ICAM1: variants seen among roughly 807,000 people sequenced by gnomAD.
The protein encoded by ICAM1 is intercellular adhesion molecule 1.
In ICAM1, 28 loss-of-function variants were observed where a neutral mutation model predicts 42.3. That is an observed-to-expected ratio of 0.66 (90% confidence interval 0.49 to 0.91). The LOEUF (loss-of-function observed/expected upper bound fraction) is 0.91. Ranked by LOEUF, ICAM1 falls within the 40% of genes least tolerant of loss-of-function variation. The pLI, the probability that ICAM1 is intolerant of heterozygous loss-of-function variation, is 0.00. For missense variants in ICAM1, 637 were observed against 688.6 expected (o/e 0.93, Z 0.84); for synonymous variants, 304 against 305.9 (o/e 0.99, Z 0.07).
rs567501702 is a variant in ICAM1, at chr19:10,273,525, G to A, written c.68-1240G>A. On this transcript the variant is annotated intron_variant, in intron 1 of 6. Coordinates refer to ENST00000264832, the MANE Select transcript of ICAM1 (RefSeq NM_000201.3). ...AAAAAATGTTTTTCAAATATTAGCC[G>A]GGTATGGTGGTGTCCTGTAGTCCCA... 2.0e-4 allele frequency among the ~76,000 whole-genome samples: 31 copies of A among 151,996 alleles called. 1 individual carries two copies. The South Asian group carries it at 6.0e-3, about 30-fold the overall frequency.
chr19:10,282,810 C>G (rs911463722), intron 2 of ICAM1, among the ~76,000 whole-genome samples: 1 of 151,794 alleles, frequency 6.6e-6, no homozygotes, highest in Non-Finnish European at 1.5e-5. Flanking sequence ...GTCAGGAATT[C>G]GAGACCAGCC....
intron 1 of ICAM1, among the ~76,000 whole-genome samples, chr19:10,271,769 A>G (rs971572347): frequency 6.6e-6 from 1 of 151,836 alleles, no homozygotes; most frequent in African/African-American, 2.4e-5. Context: ...TCTGTTCCTC[A>G]TCCTCTCTGC....
rs2040100321 is a variant in ICAM1 at position 10,285,763 on chromosome 19, C to G, written c.*476C>G. On this transcript the variant is annotated 3_prime_UTR_variant, in exon 7 of 7. Transcript: ENST00000264832. Reference sequence around the variant, plus strand: ...ATGCCAGCTTGGGCACTGCTGTCTACTGACCCCAACCCTTGATGATATGTA... The same window carrying G: ...ATGCCAGCTTGGGCACTGCTGTCTAGTGACCCCAACCCTTGATGATATGTA... 6.0e-6 allele frequency: 1 copy of G among 165,386 alleles called. No homozygotes were observed. The highest frequency in any genetic ancestry group is 1.3e-5 in the Non-Finnish European group (1 of 75,198). The allele number at this position is 165,386 out of a possible 1,614,324, so 10.2% of individuals were successfully genotyped here.
At position 10,285,570 on chromosome 19, in the gene ICAM1, A is replaced by T; in HGVS notation, c.*283A>T. On this transcript the variant is annotated 3_prime_UTR_variant, in exon 7 of 7. Coordinates refer to ENST00000264832, the MANE Select transcript of ICAM1 (RefSeq NM_000201.3). The stretch of plus-strand genomic sequence containing the variant: ...ATGGATGTTAAAGTCTAGCCTGATG[A>T]GAGGGGAAGTGGTGGGGGAGACATA... 1 of 386,680 alleles carries T rather than the reference A, an allele frequency of 2.6e-6. No individual in the cohort carries two copies. Among genetic ancestry groups the T allele is most frequent in the Admixed American group, 4.3e-5 (1 of 23,400 alleles). 24.0% of individuals were successfully genotyped at this position (386,680 alleles called of 1,614,324 possible).
chr19:10,280,547 GTT>G (rs556867189), intron 2 of ICAM1, among the ~76,000 whole-genome samples: 1 of 144,074 alleles, frequency 6.9e-6, no homozygotes, highest in African/African-American at 2.5e-5. Context: ...AGCCCAGCTG[GTT>G]TTTTTTTTTT....
chr19:10,285,294 C>A lies in ICAM1; in HGVS notation c.*7C>A, dbSNP rs764537463. On this transcript the variant is annotated 3_prime_UTR_variant, in exon 7 of 7. Transcript: ENST00000264832. The stretch of plus-strand genomic sequence containing the variant: ...ACAAGCCACGCCTCCCTGAACCTAT[C>A]CCGGGACAGGGCCTCTTCCTCGGCC... 64 of 1,612,620 alleles carry A rather than the reference C, an allele frequency of 4.0e-5. No individual in the cohort carries two copies. Among genetic ancestry groups the A allele is most frequent in the Non-Finnish European group, 4.7e-5 (56 of 1,179,130 alleles).
In ICAM1 at chr19:10,286,175, T is replaced by G. The variant is rs1297378664; in HGVS notation, c.*888T>G. 6.6e-6 allele frequency: 1 copy of G among 152,414 alleles called. No homozygotes were observed. The highest frequency in any genetic ancestry group is 1.9e-4 in the East Asian group (1 of 5,330). The allele number at this position is 152,414 out of a possible 1,614,324, so 9.4% of individuals were successfully genotyped here. On this transcript the variant is annotated 3_prime_UTR_variant, in exon 7 of 7. Coordinates refer to ENST00000264832, the MANE Select transcript of ICAM1 (RefSeq NM_000201.3). ...TTCACAATGACACTCAGCGGTCATGTCTGGACATGAGTGCCCAGGGAATAT... is the reference window on the plus strand; with the variant it reads ...TTCACAATGACACTCAGCGGTCATGGCTGGACATGAGTGCCCAGGGAATAT...
At chr19:10,279,805 C>T (rs2040042655) in intron 2 of ICAM1, among the ~76,000 whole-genome samples, 1 of 151,124 alleles carries the variant, frequency 6.6e-6, no homozygotes, top group Non-Finnish European at 1.5e-5. Flanking sequence ...TTTGAGGTTA[C>T]AGTCAGCTAT....
rs746554151 is a variant in ICAM1 at position 10,283,760 on chromosome 19, C to T, written c.611C>T (p.Ser204Leu). ...PQGLELFENTSAPYQLQTFVL... is the reference protein window; with the variant it reads ...PQGLELFENTLAPYQLQTFVL... Reference sequence around the variant, plus strand: ...GGGCTGGAGCTGTTTGAGAACACCTCGGCCCCCTACCAGCTCCAGACCTTT... The same window carrying T: ...GGGCTGGAGCTGTTTGAGAACACCTTGGCCCCCTACCAGCTCCAGACCTTT... The change falls in exon 3 of 7, where the codon TCG becomes TTG. Residue 204 changes from serine to leucine, a missense_variant. Ser to Leu is a moderately radical substitution (Grantham distance 145, BLOSUM62 -2). Coordinates refer to ENST00000264832, the MANE Select transcript of ICAM1 (RefSeq NM_000201.3). The T allele has an allele frequency of 6.2e-6, 10 of 1,609,426 alleles. No individual in the cohort carries two copies. The highest frequency in any genetic ancestry group is 3.4e-5 in the Admixed American group (2 of 59,628).
In ICAM1 at chr19:10,285,093, G is replaced by A. The variant is rs115766769; in HGVS notation, c.1427-22G>A. 8.6e-3 allele frequency: 13,925 copies of A among 1,613,716 alleles called. 86 individuals carry two copies. Among genetic ancestry groups the A allele is most frequent in the Middle Eastern group, 0.023 (138 of 5,960 alleles). On this transcript the variant is annotated intron_variant, in intron 6 of 6. Coordinates refer to ENST00000264832, the MANE Select transcript of ICAM1 (RefSeq NM_000201.3). ...CCATGGACCTAATGCAATCCTCACCGCCTGTTGTATCCTCCCCACAGCCCC... is the reference window on the plus strand; with the variant it reads ...CCATGGACCTAATGCAATCCTCACCACCTGTTGTATCCTCCCCACAGCCCC...
Position 10,285,293 on chromosome 19 carries a change from T to TCCC in ICAM1, c.*7_*9dup. ...CACAAGCCACGCCTCCCTGAACCTA[T>TCCC]CCCGGGACAGGGCCTCTTCCTCGGC... On this transcript the variant is annotated 3_prime_UTR_variant, in exon 7 of 7. Transcript: ENST00000264832. 6.2e-7 allele frequency: 1 copy of TCCC among 1,612,654 alleles called. No individual in the cohort carries two copies. The highest frequency in any genetic ancestry group is 8.5e-7 in the Non-Finnish European group (1 of 1,179,138).
intron 1 of ICAM1, among the ~76,000 whole-genome samples, chr19:10,272,560 CTTTTTTTTTTTT>C (rs1174775027): frequency 3.6e-5 from 2 of 56,132 alleles, no homozygotes; most frequent in Admixed American, 1.8e-4. Context: ...CTTTTCTTTT[CTTTTTTTTTTTT>C]TTTTTTTTTT....
chr19:10,276,871 A>T (rs2040021030), intron 2 of ICAM1, among the ~76,000 whole-genome samples: 1 of 149,790 alleles, frequency 6.7e-6, no homozygotes, highest in Non-Finnish European at 1.5e-5. Flanking sequence ...GCTACTCGGG[A>T]GGCTGAGGCA....
In ICAM1 at chr19:10,273,360, C is replaced by CAG. The variant is rs1218336465; in HGVS notation, c.68-1405_68-1404insAG. Among the ~76,000 whole-genome samples, 6 of 151,730 alleles carry CAG rather than the reference C, an allele frequency of 4.0e-5. No individual in the cohort carries two copies. In the East Asian group the frequency reaches 1.2e-3, roughly 30 times the overall value. ...GTACAAAATTACCCGGGCGTGGTGG[C>CAG]GCATGCCTGTAATCCCAGCTACTCG... On this transcript the variant is annotated intron_variant, in intron 1 of 6. Coordinates refer to ENST00000264832, the MANE Select transcript of ICAM1 (RefSeq NM_000201.3).
chr19:10,283,752 G>C lies in ICAM1; in HGVS notation c.603G>C (p.Glu201Asp). ...DLRPQGLELF[E>D]NTSAPYQLQT... ...GGCCCCAAGGGCTGGAGCTGTTTGA[G>C]AACACCTCGGCCCCCTACCAGCTCC... is the stretch of plus-strand genomic sequence containing the variant. The change falls in exon 3 of 7, where the codon GAG becomes GAC. Residue 201 changes from glutamate (E) to aspartate (D), a missense_variant. Transcript: ENST00000264832. 16 of 1,611,620 alleles carry C rather than the reference G, an allele frequency of 9.9e-6. No individual in the cohort carries two copies. Among genetic ancestry groups the C allele is most frequent in the Non-Finnish European group, 1.4e-5 (16 of 1,178,942 alleles).
chr19:10,280,980 C>T (rs1464923037), intron 2 of ICAM1, among the ~76,000 whole-genome samples: 13 of 150,704 alleles, frequency 8.6e-5, no homozygotes, highest in East Asian at 2.0e-4. Flanking sequence ...TTCACTCCAT[C>T]CTCCTGCCTT....
At chr19:10,281,412 A>G (rs1212151185) in intron 2 of ICAM1, among the ~76,000 whole-genome samples, 1 of 151,812 alleles carries the variant, frequency 6.6e-6, no homozygotes, top group African/African-American at 2.4e-5. Context: ...GTGAGCCACC[A>G]TGCCCCAGCC....
At chr19:10,283,824 T>C (rs754017428) in intron 3 of ICAM1, 38 bp downstream of exon 3, 2 of 1,352,332 alleles carry the variant, frequency 1.5e-6, no homozygotes, top group Non-Finnish European at 2.1e-6. Flanking sequence ...AAGGTGGGGG[T>C]GGGGTATCCT....
Position 10,284,573 on chromosome 19 carries a change from G to A in ICAM1, c.1096G>A (p.Gly366Arg), listed in dbSNP as rs370415118. 1.2e-5 allele frequency: 20 copies of A among 1,614,162 alleles called. No individual in the cohort carries two copies. Among genetic ancestry groups the A allele is most frequent in the Middle Eastern group, 1.6e-4 (1 of 6,062 alleles). ...LLLKATPEDN[G>R]RSFSCSATLE... Reference sequence around the variant, plus strand: ...GCTGAAGGCCACCCCAGAGGACAACGGGCGCAGCTTCTCCTGCTCTGCAAC... The same window carrying A: ...GCTGAAGGCCACCCCAGAGGACAACAGGCGCAGCTTCTCCTGCTCTGCAAC... The change falls in exon 5 of 7, where the codon GGG becomes AGG. Residue 366 changes from glycine (G) to arginine (R), a missense_variant. Gly to Arg is a moderately radical substitution (Grantham distance 125). Transcript: ENST00000264832. The surrounding 1 kb of genome is among the most constrained non-coding windows in gnomAD (Gnocchi z 5.4).
Sources: gnomAD v4.1 joint callset for allele counts (sites outside exome capture counted in the v4.1 genomes callset) on GRCh38, gnomAD v4.1.1 for gene constraint, Gnocchi (gnomAD v3.1) non-coding constraint, MANE v1.5 for transcripts, NCBI Gene and HGNC (gene_info 2026-07-23, HGNC 2026-07-21) for gene names.